Variants in SBNO1 observed in about 807,000 individuals in gnomAD.
SBNO1 encodes protein strawberry notch homolog 1.
SBNO1 carries 23 observed loss-of-function variants against 173.6 expected under a neutral mutation model. That is an observed-to-expected ratio of 0.13 (90% CI 0.10 to 0.19). SBNO1 has a LOEUF of 0.19. Ranked by LOEUF, SBNO1 falls within the 10% of genes least tolerant of loss-of-function variation. The pLI is 1.00. For missense variants in SBNO1, 1,238 were observed against 1,671.2 expected, an observed-to-expected ratio of 0.74 and a Z score of 4.52; for synonymous variants, 632 against 571.5, an observed-to-expected ratio of 1.11 and a Z score of -1.51.
chr12:123,339,574 G>T (rs1272083867), intron 5 of SBNO1, among the ~76,000 whole-genome samples: 1 of 152,072 alleles, frequency 6.6e-6, no homozygotes, highest in African/African-American at 2.4e-5. Flanking sequence ...ATCACTTGAG[G>T]TCAGGTATTC....
rs2048829224 is a variant in SBNO1, at chr12:123,302,847, T to C, written c.3822A>G (p.Ala1274=). The stretch of plus-strand genomic sequence containing the variant: ...ACCAATAAGCATGAGTACAAGTATC[T>C]GCAGATGAATTATACTGATCTAACC... ...MHWLDQYNSS[A]DTCTHAYWRG... The change falls in exon 30 of 32, where the codon GCA becomes GCG. Residue 1274 remains alanine, a synonymous_variant. Transcript: ENST00000602398. 1.9e-6 allele frequency: 3 copies of C among 1,613,508 alleles called. No individual in the cohort carries two copies. Among genetic ancestry groups the C allele is most frequent in the Non-Finnish European group, 2.5e-6 (3 of 1,179,566 alleles).
intron 7 of SBNO1, among the ~76,000 whole-genome samples, chr12:123,331,600 C>A (rs1871216589): frequency 6.6e-6 from 1 of 152,110 alleles, no homozygotes; most frequent in Non-Finnish European, 1.5e-5. Flanking sequence ...TGGCTCACTG[C>A]AATCTCTGCC....
At position 123,295,772 on chromosome 12, in the gene SBNO1, C is replaced by A; in HGVS notation, c.*136G>T. On this transcript the variant is annotated 3_prime_UTR_variant, in exon 32 of 32. Coordinates refer to ENST00000602398, the MANE Select transcript of SBNO1 (RefSeq NM_001167856.3). ...TTTTGCTATCTATTCCAGGTTTGTCCTTACTCCCAAAAAAACTAACTAGAG... is the reference window on the plus strand; with the variant it reads ...TTTTGCTATCTATTCCAGGTTTGTCATTACTCCCAAAAAAACTAACTAGAG... 6.8e-6 allele frequency: 8 copies of A among 1,168,774 alleles called. No individual in the cohort carries two copies. In the South Asian group the frequency reaches 1.3e-4, roughly 18 times the overall value. 72.4% of individuals were successfully genotyped at this position (1,168,774 alleles called of 1,614,324 possible). A position where few individuals can be genotyped will look rare whatever the true frequency, so the allele number is the denominator to read the frequency against.
rs761076675 is a variant in SBNO1, at chr12:123,298,167, C to T, written c.3850G>A (p.Gly1284Ser). Reference protein sequence around the residue: ...ADTCTHAYWRGNCKKASLGLV... With the variant: ...ADTCTHAYWRSNCKKASLGLV... ...CCCAAGCTTGCTTTTTTGCAATTGCCGCGCCTAAGAAAAATGGGAAAGAAA... is the reference window on the plus strand; with the variant it reads ...CCCAAGCTTGCTTTTTTGCAATTGCTGCGCCTAAGAAAAATGGGAAAGAAA... Residue 1284 changes from glycine to serine, a missense_variant, in exon 31 of 32, where the codon GGC becomes AGC. Transcript: ENST00000602398. 21 of 1,610,136 alleles carry T rather than the reference C, an allele frequency of 1.3e-5. No homozygotes were observed. The highest frequency in any genetic ancestry group is 3.3e-5 in the South Asian group (3 of 90,118).
chr12:123,364,426 G>T, intron 1 of SBNO1: 6 of 985,522 alleles, frequency 6.1e-6, no homozygotes, highest in Non-Finnish European at 7.2e-6. Flanking sequence ...GGGACAGCGG[G>T]GCTCCCGGAG....
rs2048535265 is a variant in SBNO1 at position 123,293,076 on chromosome 12, C to A, written c.*2832G>T. 6.6e-6 allele frequency: 1 copy of A among 152,158 alleles called. No homozygotes were observed. The highest frequency in any genetic ancestry group is 6.5e-5 in the Admixed American group (1 of 15,270). 9.4% of individuals were successfully genotyped at this position (152,158 alleles called of 1,614,324 possible). A position where few individuals can be genotyped will look rare whatever the true frequency, so the allele number is the denominator to read the frequency against. On this transcript the variant is annotated 3_prime_UTR_variant, in exon 32 of 32. Coordinates refer to ENST00000602398, the MANE Select transcript of SBNO1 (RefSeq NM_001167856.3). ...CTGAAAACACGAACATGATTTCCAA[C>A]CAAATCTTTGTGCTCAGAGCCATAT...
At chr12:123,318,563 C>T (rs749651949) in intron 20 of SBNO1, among the ~76,000 whole-genome samples, 1 of 150,656 alleles carries the variant, frequency 6.6e-6, no homozygotes, top group Non-Finnish European at 1.5e-5. Flanking sequence ...TGAAACCTGT[C>T]TCTATCAAAA....
rs1364752354 is a variant in SBNO1 at position 123,364,825 on chromosome 12, C to G, written c.-125G>C. 1.0e-6 allele frequency: 1 copy of G among 971,558 alleles called. No individual in the cohort carries two copies. Among genetic ancestry groups the G allele is most frequent in the African/African-American group, 1.8e-5 (1 of 56,842 alleles). 60.2% of individuals were successfully genotyped at this position (971,558 alleles called of 1,614,324 possible). A position where few individuals can be genotyped will look rare whatever the true frequency, so the allele number is the denominator to read the frequency against. On this transcript the variant is annotated 5_prime_UTR_variant, in exon 1 of 32. Coordinates refer to ENST00000602398, the MANE Select transcript of SBNO1 (RefSeq NM_001167856.3). ...AGCGGCGTCCTGCTCTGCCTACCTC[C>G]CCGCCGCCATCTTGACGCCCCTCCC...
chr12:123,341,021 G>C lies in SBNO1; in HGVS notation c.618C>G (p.Asn206Lys). 6.2e-7 allele frequency: 1 copy of C among 1,602,184 alleles called. No homozygotes were observed. The highest frequency in any genetic ancestry group is 8.5e-7 in the Non-Finnish European group (1 of 1,173,264). Residue 206 changes from asparagine (N) to lysine (K), a missense_variant, in exon 5 of 32, where the codon AAC (asparagine) becomes AAG (lysine). Transcript: ENST00000602398. ...GGGAAAAACTCCTCATCTTCATGTC[G>C]TTTATCCACATTCTAGCTCCTTCTT... ...SNKEGARMWI[N>K]DMKMRSFSPT...
intron 4 of SBNO1, among the ~76,000 whole-genome samples, chr12:123,344,788 G>A (rs1412829380): frequency 6.6e-6 from 1 of 152,124 alleles, no homozygotes; most frequent in Non-Finnish European, 1.5e-5. Flanking sequence ...GACGGAAGCT[G>A]CAGTGAGCAG....
intron 1 of SBNO1, among the ~76,000 whole-genome samples, chr12:123,356,493 T>C (rs1485009381): frequency 1.3e-5 from 2 of 152,220 alleles, no homozygotes; most frequent in East Asian, 1.9e-4. Flanking sequence ...TGGAGTGCAA[T>C]GGCACGATCT....
intron 28 of SBNO1, among the ~76,000 whole-genome samples, chr12:123,305,264 G>A (rs2048885144): frequency 6.6e-6 from 1 of 152,192 alleles, no homozygotes. Flanking sequence ...CCAGTCCTCT[G>A]CACTTGTCTA....
chr12:123,360,146 G>A lies in SBNO1; in HGVS notation c.-1+4555C>T, dbSNP rs184130394. ...GTTAATCCCAGCTACTTGGGAGGCT[G>A]AGGCAGGAGAATCGCTTGAATCTGG... is the stretch of plus-strand genomic sequence containing the variant. On this transcript the variant is annotated intron_variant, in intron 1 of 31. Transcript: ENST00000602398. Among the ~76,000 whole-genome samples the A allele has an allele frequency of 1.1e-3, 161 of 151,966 alleles. 2 individuals are homozygous for A. In the East Asian group the frequency reaches 0.027, roughly 26 times the overall value.
At chr12:123,340,811 C>T (rs1227932226) in intron 5 of SBNO1, among the ~76,000 whole-genome samples, 177 bp downstream of exon 5, 1 of 152,032 alleles carries the variant, frequency 6.6e-6, no homozygotes, top group Non-Finnish European at 1.5e-5. Flanking sequence ...TTTTAACCAC[C>T]CTGGTTAGTA....
chr12:123,294,159 C>T lies in SBNO1; in HGVS notation c.*1749G>A, dbSNP rs1566016398. ...TGTGCCAAAGAACAGAAAGTACTTT[C>T]AATTTATTCTTTTAGGCACCAAGAA... On this transcript the variant is annotated 3_prime_UTR_variant, in exon 32 of 32. Coordinates refer to ENST00000602398, the MANE Select transcript of SBNO1 (RefSeq NM_001167856.3). 6.6e-6 allele frequency: 1 copy of T among 152,168 alleles called. No individual in the cohort carries two copies. Among genetic ancestry groups the T allele is most frequent in the Non-Finnish European group, 1.5e-5 (1 of 68,036 alleles). 9.4% of individuals were successfully genotyped at this position (152,168 alleles called of 1,614,324 possible).
chr12:123,336,370 T>C, intron 6 of SBNO1, 25 bp downstream of exon 6: 1 of 1,364,078 alleles, frequency 7.3e-7, no homozygotes, highest in Non-Finnish European at 1.0e-6. Flanking sequence ...TTGATGTAAA[T>C]ATCTGACAAA....
chr12:123,305,484 T>G (rs2048890484), intron 28 of SBNO1, among the ~76,000 whole-genome samples: 1 of 152,184 alleles, frequency 6.6e-6, no homozygotes, highest in Non-Finnish European at 1.5e-5. Flanking sequence ...TAACTTTTTT[T>G]TTTGTTTTTG....
chr12:123,301,070 C>G (rs560492146), intron 30 of SBNO1, among the ~76,000 whole-genome samples: 2 of 151,892 alleles, frequency 1.3e-5, no homozygotes, highest in African/African-American at 2.4e-5. Context: ...TGCAGTGCCA[C>G]GATCTCAGCT....
intron 2 of SBNO1, 47 bp from the exon 3 acceptor site, chr12:123,348,180 A>G (rs1177026977): frequency 1.9e-6 from 2 of 1,067,752 alleles, no homozygotes; most frequent in South Asian, 2.7e-5. Context: ...ACAGCAGTAA[A>G]TTCTGTTTCA....
Sources: gnomAD v4.1 joint callset for allele counts (sites outside exome capture counted in the v4.1 genomes callset) on GRCh38, gnomAD v4.1.1 for gene constraint, MANE v1.5 for transcripts, NCBI Gene and HGNC (gene_info 2026-07-23, HGNC 2026-07-21) for gene names.